LHFPL4: variants seen among roughly 807,000 people sequenced by gnomAD.
LHFPL4 encodes the protein LHFPL tetraspan subfamily member 4 protein.
LHFPL4 carries 6 observed loss-of-function variants against 20.0 expected under a neutral mutation model. The ratio of observed to expected loss-of-function variants is 0.30; its 90% CI spans 0.16 to 0.59. The LOEUF (loss-of-function observed/expected upper bound fraction) is 0.59, where lower values mean the gene tolerates loss of function less well. Among genes scored for constraint, LHFPL4 ranks in the 20% least tolerant of loss-of-function variants. LHFPL4 has a pLI of 0.88. For synonymous variants in LHFPL4, 129 were observed against 143.8 expected, an observed-to-expected ratio of 0.90 and a Z score of 0.74; for missense variants, 215 against 331.2, an observed-to-expected ratio of 0.65 and a Z score of 2.72.
At position 9,502,749 on chromosome 3, in the gene LHFPL4, G is replaced by A. The variant is rs563595497; in HGVS notation, c.644-438C>T. 4.5e-4 allele frequency among the ~76,000 whole-genome samples: 68 copies of A among 151,244 alleles called. 1 individual carries two copies. The highest frequency in any genetic ancestry group is 1.5e-3 in the African/African-American group (61 of 41,218). ...AGGGGCAGAGGGGCAGACTGCACAA[G>A]CGCTGAAATCCTAGCCTCACCTGAC... On this transcript the variant is annotated intron_variant, in intron 3 of 3. Transcript: ENST00000287585.
chr3:9,505,242 A>C (rs1316126827), intron 3 of LHFPL4, among the ~76,000 whole-genome samples: 2 of 150,386 alleles, frequency 1.3e-5, no homozygotes, highest in Admixed American at 6.7e-5. Flanking sequence ...TTGTACTGTC[A>C]GGCAGGTTTC....
At chr3:9,505,252 C>CT (rs1412767649) in intron 3 of LHFPL4, among the ~76,000 whole-genome samples, 1 of 142,996 alleles carries the variant, frequency 7.0e-6, no homozygotes, top group Non-Finnish European at 1.5e-5. Flanking sequence ...AGGCAGGTTT[C>CT]TTTTTTTCTT....
intron 2 of LHFPL4, among the ~76,000 whole-genome samples, chr3:9,528,449 C>A (rs2046388238): frequency 6.6e-6 from 1 of 152,156 alleles, no homozygotes. Flanking sequence ...TCAGGCTCCA[C>A]TTCTAATGCT....
intron 2 of LHFPL4, among the ~76,000 whole-genome samples, chr3:9,515,731 TTTC>T (rs2046295981): frequency 6.6e-6 from 1 of 151,768 alleles, no homozygotes; most frequent in Non-Finnish European, 1.5e-5. Flanking sequence ...TTTTTTTTTT[TTTC>T]TTTTGAGAGG....
At chr3:9,547,274 C>G (rs1354542270) in intron 2 of LHFPL4, among the ~76,000 whole-genome samples, 1 of 152,214 alleles carries the variant, frequency 6.6e-6, no homozygotes, top group Non-Finnish European at 1.5e-5. Flanking sequence ...CAGGCCTGGG[C>G]CACTGTGCCT....
chr3:9,519,283 C>T (rs1055629704), intron 2 of LHFPL4, among the ~76,000 whole-genome samples: 3 of 151,900 alleles, frequency 2.0e-5, no homozygotes, highest in African/African-American at 7.3e-5. Flanking sequence ...CCATATTGGC[C>T]AGGCTGGTCT....
chr3:9,525,256 G>GC (rs1574846185), intron 2 of LHFPL4, among the ~76,000 whole-genome samples: 1 of 152,290 alleles, frequency 6.6e-6, no homozygotes, highest in East Asian at 1.9e-4. Flanking sequence ...AAGTGTGGGA[G>GC]CCCCCCTAAT....
In LHFPL4 at chr3:9,516,983, G is replaced by T. The variant is rs2046307197; in HGVS notation, c.407-10780C>A. ...TTTAGTAGAGACAGGGTTTCGCCAT[G>T]TTGCCCAGGTTGGTCTTGAACTCCT... On this transcript the variant is annotated intron_variant, in intron 2 of 3. Transcript: ENST00000287585. Among the ~76,000 whole-genome samples, 2 of 151,750 alleles carry T rather than the reference G, an allele frequency of 1.3e-5. 1 individual carries two copies. Among genetic ancestry groups the T allele is most frequent in the African/African-American group, 4.8e-5 (2 of 41,296 alleles).
At chr3:9,532,042 T>C (rs2046412645) in intron 2 of LHFPL4, among the ~76,000 whole-genome samples, 1 of 152,144 alleles carries the variant, frequency 6.6e-6, no homozygotes, top group Non-Finnish European at 1.5e-5. Context: ...TGTTGTGGTT[T>C]TGAGATGGAG....
rs374073624 is a variant in LHFPL4 at position 9,536,196 on chromosome 3, G to A, written c.406+16078C>T. ...GAGATCCCCCAGGAGAAGGAAGTTC[G>A]GGAAGTGGGTTGGAGATGCCTGTCC... On this transcript the variant is annotated intron_variant, in intron 2 of 3. Transcript: ENST00000287585. Among the ~76,000 whole-genome samples, 155 of 152,294 alleles carry A rather than the reference G, an allele frequency of 1.0e-3. 1 individual carries two copies. Among genetic ancestry groups the A allele is most frequent in the South Asian group, 8.9e-3 (43 of 4,818 alleles).
chr3:9,543,809 C>T (rs778106559), intron 2 of LHFPL4, among the ~76,000 whole-genome samples: 115 of 137,612 alleles, frequency 8.4e-4, no homozygotes, highest in Non-Finnish European at 1.3e-3. Flanking sequence ...CGGCTCAGTG[C>T]GGCCTTGACC....
chr3:9,520,983 TCC>T (rs1229677537), intron 2 of LHFPL4, among the ~76,000 whole-genome samples: 3 of 152,166 alleles, frequency 2.0e-5, no homozygotes, highest in Admixed American at 6.5e-5. Flanking sequence ...CCTGGATTTT[TCC>T]ATTTCTGATA....
chr3:9,517,797 T>G (rs998985047), intron 2 of LHFPL4, among the ~76,000 whole-genome samples: 1 of 125,994 alleles, frequency 7.9e-6, no homozygotes, highest in African/African-American at 2.8e-5. Context: ...GGTTGGGTTT[T>G]TTTGTTTTTT....
chr3:9,502,993 AAT>A (rs749326974), intron 3 of LHFPL4, among the ~76,000 whole-genome samples: 11 of 151,706 alleles, frequency 7.3e-5, no homozygotes, highest in African/African-American at 2.4e-4. Flanking sequence ...GTCTTCTTTA[AAT>A]ATATATATAT....
At chr3:9,535,894 C>T (rs187690586) in intron 2 of LHFPL4, among the ~76,000 whole-genome samples, 25 of 152,278 alleles carry the variant, frequency 1.6e-4, no homozygotes, top group Admixed American at 1.4e-3. Flanking sequence ...CTCTGCCTAC[C>T]AGGTTCAAGC....
intron 2 of LHFPL4, among the ~76,000 whole-genome samples, chr3:9,544,855 T>C (rs1048944979): frequency 6.6e-6 from 1 of 152,128 alleles, no homozygotes; most frequent in Admixed American, 6.6e-5. Flanking sequence ...GTTACCCTTT[T>C]GGGAAGACTT....
chr3:9,528,325 C>T (rs7621129), intron 2 of LHFPL4, among the ~76,000 whole-genome samples: 22,592 of 152,120 alleles, frequency 0.15, 2,631 homozygotes, highest in East Asian at 0.4. Context: ...GTGCTCACAG[C>T]ATCTTCACCA....
chr3:9,551,252 T>C (rs1019953773), intron 2 of LHFPL4, among the ~76,000 whole-genome samples: 2 of 152,146 alleles, frequency 1.3e-5, no homozygotes, highest in Non-Finnish European at 2.9e-5. Flanking sequence ...AAAAACCATC[T>C]CTGCTGCATG....
At chr3:9,549,857 A>T (rs2046541810) in intron 2 of LHFPL4, among the ~76,000 whole-genome samples, 1 of 152,166 alleles carries the variant, frequency 6.6e-6, no homozygotes. Context: ...TTGTCCCAGG[A>T]TCCCCACAGG....
Sources: allele counts gnomAD v4.1 joint callset (sites outside exome capture counted in the v4.1 genomes callset), GRCh38; gene constraint gnomAD v4.1.1; transcripts MANE v1.5; gene names NCBI Gene and HGNC (gene_info 2026-07-23, HGNC 2026-07-21).